Variants in LMNB1 observed in about 807,000 individuals in gnomAD.
The protein encoded by LMNB1 is lamin-B1.
In LMNB1, 23 loss-of-function variants were observed where a neutral mutation model predicts 67.1. The observed-to-expected ratio is 0.34, with a 90% CI of 0.25 to 0.49. LMNB1 has a LOEUF of 0.49. Ranked by LOEUF, LMNB1 falls within the 20% of genes least tolerant of loss-of-function variation. The pLI, the probability that LMNB1 is intolerant of heterozygous loss-of-function variation, is 0.99. For synonymous variants in LMNB1, 281 were observed against 282.9 expected, an observed-to-expected ratio of 0.99 and a Z score of 0.07; for missense variants, 634 against 746.5, an observed-to-expected ratio of 0.85 and a Z score of 1.76.
At chr5:126,790,276 T>G (rs921344197) in intron 1 of LMNB1, among the ~76,000 whole-genome samples, 4 of 152,020 alleles carry the variant, frequency 2.6e-5, no homozygotes, top group Non-Finnish European at 5.9e-5. Context: ...CTGTGAATTT[T>G]TGTATTTTTA....
chr5:126,804,694 T>C, intron 1 of LMNB1, 82 bp from the exon 2 acceptor site: 2 of 1,279,082 alleles, frequency 1.6e-6, no homozygotes, highest in Admixed American at 2.5e-5. Context: ...CTACTTCTTT[T>C]GTTTGTCCCT....
rs545624342 is a variant in LMNB1 at position 126,825,708 on chromosome 5, T to C, written c.1492-280T>C. On this transcript the variant is annotated intron_variant, in intron 8 of 10. Transcript: ENST00000261366. ...TTATGGATGACTAAAGTAAGGTAAC[T>C]TGCTCAGGGTCAGCTGGTGTGTAAA... is the stretch of plus-strand genomic sequence containing the variant. Among the ~76,000 whole-genome samples the C allele has an allele frequency of 2.0e-5, 3 of 152,316 alleles. No homozygotes were observed. The South Asian group carries it at 6.2e-4, about 32-fold the overall frequency.
rs769735067 is a variant in LMNB1, at chr5:126,778,137, G to C, written c.359+270G>C. On this transcript the variant is annotated intron_variant, in intron 1 of 10. Transcript: ENST00000261366. ...ACCCGCTGGGACGTGGTAAGTGCGC[G>C]CCTGGGACTGCCGAGAAGGAGCTCC... Among the ~76,000 whole-genome samples the C allele has an allele frequency of 3.3e-5, 5 of 152,166 alleles. No homozygotes were observed. In the East Asian group the frequency reaches 5.8e-4, roughly 18 times the overall value.
chr5:126,794,185 A>G (rs576839849), intron 1 of LMNB1, among the ~76,000 whole-genome samples: 4 of 152,230 alleles, frequency 2.6e-5, no homozygotes, highest in East Asian at 1.9e-4. Flanking sequence ...TCGGCCCCCT[A>G]TAGTACTGGG....
intron 9 of LMNB1, among the ~76,000 whole-genome samples, chr5:126,829,436 G>A (rs141457980): frequency 2.0e-5 from 3 of 151,906 alleles, no homozygotes; most frequent in South Asian, 2.1e-4. Context: ...TGTTGCTAAC[G>A]TGGTCCGGTA....
At chr5:126,822,429 A>G (rs1199775619) in intron 7 of LMNB1, among the ~76,000 whole-genome samples, 1 of 152,254 alleles carries the variant, frequency 6.6e-6, no homozygotes, top group African/African-American at 2.4e-5. Flanking sequence ...GCTTGAAGTA[A>G]TCCAATACTT....
Position 126,805,579 on chromosome 5 carries a change from C to G in LMNB1, c.525C>G (p.Ala175=). 6.2e-7 allele frequency: 1 copy of G among 1,605,212 alleles called. No individual in the cohort carries two copies. Among genetic ancestry groups the G allele is most frequent in the Non-Finnish European group, 8.5e-7 (1 of 1,173,148 alleles). ...DLKDQIAQLE[A]SLAAAKKQLA... is the part of the protein sequence containing the mutation. ...CTTTTTCCTTGTAATAGTTGGAAGCCTCCTTAGCTGCAGCCAAAAAACAGT... is the reference window on the plus strand; with the variant it reads ...CTTTTTCCTTGTAATAGTTGGAAGCGTCCTTAGCTGCAGCCAAAAAACAGT... The change falls in exon 3 of 11, where the codon GCC becomes GCG. Residue 175 remains alanine, a synonymous_variant. Coordinates refer to ENST00000261366, the MANE Select transcript of LMNB1 (RefSeq NM_005573.4).
chr5:126,820,836 T>G, intron 6 of LMNB1, 74 bp from the exon 7 acceptor site: 2 of 1,183,582 alleles, frequency 1.7e-6, no homozygotes, highest in South Asian at 1.4e-5. Context: ...CCCTTGTTTT[T>G]TTGTTTTTTT....
chr5:126,826,878 CT>C (rs2126735129), intron 9 of LMNB1, among the ~76,000 whole-genome samples: 1 of 152,256 alleles, frequency 6.6e-6, no homozygotes, highest in East Asian at 1.9e-4. Flanking sequence ...GTTAATGGAG[CT>C]TTTGTTGTGA....
chr5:126,800,951 C>CTACATATATATATATA (rs1210732092), intron 1 of LMNB1, among the ~76,000 whole-genome samples: 8 of 47,312 alleles, frequency 1.7e-4, no homozygotes, highest in South Asian at 1.0e-3. Context: ...TGCAGCCAGA[C>CTACATATATATATATA]TATATATATA....
intron 9 of LMNB1, among the ~76,000 whole-genome samples, chr5:126,828,579 CT>C (rs11372205): frequency 3.0e-3 from 426 of 141,758 alleles, no homozygotes; most frequent in Middle Eastern, 7.4e-3. Flanking sequence ...TTGGTCCATT[CT>C]TTTTTTTTTT....
At chr5:126,835,073 G>C (rs1484389788) in intron 10 of LMNB1, among the ~76,000 whole-genome samples, 2 of 152,196 alleles carry the variant, frequency 1.3e-5, no homozygotes, top group African/African-American at 4.8e-5. Flanking sequence ...AGCTGAATCA[G>C]AGGGACTAAC....
At chr5:126,799,056 C>T (rs1373213768) in intron 1 of LMNB1, among the ~76,000 whole-genome samples, 6 of 143,242 alleles carry the variant, frequency 4.2e-5, no homozygotes, top group African/African-American at 1.3e-4. Context: ...GTCTCGCTGT[C>T]GCCCAGGCTG....
intron 1 of LMNB1, among the ~76,000 whole-genome samples, chr5:126,782,357 A>G (rs900954968): frequency 2.6e-5 from 4 of 152,188 alleles, no homozygotes; most frequent in Non-Finnish European, 5.9e-5. Flanking sequence ...GGGTTTATAG[A>G]TAGAGTTAGG....
chr5:126,796,240 T>A (rs1751088871), intron 1 of LMNB1, among the ~76,000 whole-genome samples: 1 of 152,050 alleles, frequency 6.6e-6, no homozygotes, highest in African/African-American at 2.4e-5. Context: ...TGGATGCATT[T>A]TTTAATCTCC....
chr5:126,780,263 T>C (rs1750595306), intron 1 of LMNB1, among the ~76,000 whole-genome samples: 1 of 152,188 alleles, frequency 6.6e-6, no homozygotes, highest in South Asian at 2.1e-4. Flanking sequence ...ATATGAAGAT[T>C]TTTTTAAAAA....
At chr5:126,835,498 G>A (rs1274230044) in intron 10 of LMNB1, among the ~76,000 whole-genome samples, 1 of 152,216 alleles carries the variant, frequency 6.6e-6, no homozygotes, top group African/African-American at 2.4e-5. Flanking sequence ...TCAGGATCTA[G>A]CAAGCTGTAG....
intron 5 of LMNB1, among the ~76,000 whole-genome samples, chr5:126,818,191 C>T (rs1342221303): frequency 2.0e-5 from 3 of 151,580 alleles, no homozygotes; most frequent in African/African-American, 4.8e-5. Flanking sequence ...TCTGCTAAAA[C>T]GTACTTTTAC....
At chr5:126,831,137 T>C (rs2126739555) in intron 9 of LMNB1, among the ~76,000 whole-genome samples, 1 of 152,396 alleles carries the variant, frequency 6.6e-6, no homozygotes, top group Non-Finnish European at 1.5e-5. Context: ...GTCTCATTTC[T>C]GTGACACTGG....
Sources: allele counts gnomAD v4.1 joint callset (sites outside exome capture counted in the v4.1 genomes callset), GRCh38; gene constraint gnomAD v4.1.1; transcripts MANE v1.5; gene names NCBI Gene and HGNC (gene_info 2026-07-23, HGNC 2026-07-21).